The following NTRK3 variants were observed in gnomAD, a reference collection of about 807,000 sequenced individuals.
NTRK3 encodes NT-3 growth factor receptor.
Under a neutral mutation model 91.7 loss-of-function variants are expected in NTRK3, and 24 were observed. The observed-to-expected ratio is 0.26, with a 90% CI of 0.19 to 0.37. The LOEUF (loss-of-function observed/expected upper bound fraction) is 0.37, where lower values mean the gene tolerates loss of function less well. Among genes scored for constraint, NTRK3 ranks in the 10% least tolerant of loss-of-function variants. The pLI, the probability that NTRK3 is intolerant of heterozygous loss-of-function variation, is 1.00. For missense variants in NTRK3, 880 were observed against 1,068.9 expected, an observed-to-expected ratio of 0.82 and a Z score of 2.46; for synonymous variants, 483 against 404.0, an observed-to-expected ratio of 1.20 and a Z score of -2.34.
chr15:88,084,861 C>T lies in NTRK3; in HGVS notation c.1396+41410G>A, dbSNP rs570416306. On this transcript the variant is annotated intron_variant, in intron 13 of 18. Transcript: ENST00000394480. Reference sequence around the variant, plus strand: ...AGCCACTGTAAGCTCTGGTCAGCCTCTGGACAGCCACATCCTCCCTTTGAC... The same window carrying T: ...AGCCACTGTAAGCTCTGGTCAGCCTTTGGACAGCCACATCCTCCCTTTGAC... 6.6e-5 allele frequency among the ~76,000 whole-genome samples: 10 copies of T among 152,334 alleles called. No individual in the cohort carries two copies. The South Asian group carries it at 1.9e-3, about 28-fold the overall frequency.
At chr15:88,251,360 ACT>A (rs2053345224) in intron 3 of NTRK3, among the ~76,000 whole-genome samples, 1 of 152,140 alleles carries the variant, frequency 6.6e-6, no homozygotes, top group African/African-American at 2.4e-5. Flanking sequence ...TGGAAGAAAC[ACT>A]CTGCCCTGCG....
chr15:87,965,075 A>C lies in NTRK3; in HGVS notation c.1586-24322T>G, dbSNP rs146454930. Among the ~76,000 whole-genome samples, 356 of 152,384 alleles carry C rather than the reference A, an allele frequency of 2.3e-3. 2 individuals are homozygous for C. Among genetic ancestry groups the C allele is most frequent in the African/African-American group, 8.4e-3 (348 of 41,604 alleles). Reference sequence around the variant, plus strand: ...CAAATGCAATCTTATTTTTAAAAAAAGGTAGCAAAGTAATGTGTATGTGCA... The same window carrying C: ...CAAATGCAATCTTATTTTTAAAAAACGGTAGCAAAGTAATGTGTATGTGCA... On this transcript the variant is annotated intron_variant, in intron 14 of 18. Transcript: ENST00000394480.
intron 17 of NTRK3, among the ~76,000 whole-genome samples, chr15:87,910,240 C>G (rs996620286): frequency 2.0e-5 from 3 of 152,176 alleles, no homozygotes; most frequent in East Asian, 3.9e-4. Context: ...GGGAAGAGCT[C>G]CAAGCCTGAA....
chr15:88,196,691 T>C (rs1158593180), intron 3 of NTRK3, among the ~76,000 whole-genome samples: 1 of 152,236 alleles, frequency 6.6e-6, no homozygotes, highest in African/African-American at 2.4e-5. Context: ...CTCCCTTACT[T>C]CATCATTGCC....
intron 13 of NTRK3, among the ~76,000 whole-genome samples, chr15:88,121,561 G>A (rs1166819838): frequency 2.0e-5 from 3 of 152,178 alleles, no homozygotes; most frequent in African/African-American, 7.2e-5. Flanking sequence ...CAGGATGCAA[G>A]GGTACACTCT....
At position 88,115,982 on chromosome 15, in the gene NTRK3, A is replaced by T. The variant is rs77326931; in HGVS notation, c.1396+10289T>A. Among the ~76,000 whole-genome samples the T allele has an allele frequency of 6.1e-3, 929 of 152,240 alleles. 10 individuals carry two copies. The highest frequency in any genetic ancestry group is 0.021 in the African/African-American group (876 of 41,544). On this transcript the variant is annotated intron_variant, in intron 13 of 18. Coordinates refer to ENST00000394480, the Ensembl canonical transcript of NTRK3. ...GGGTGGGAGGGAGAGCAAACAGGAT[A>T]AAGAAGTTTCTAAGGAAAGAGAGGA...
rs536484394 is a variant in NTRK3 at position 87,939,162 on chromosome 15, C to G, written c.1716+1461G>C. Among the ~76,000 whole-genome samples the G allele has an allele frequency of 2.0e-3, 310 of 152,194 alleles. 1 individual carries two copies. The highest frequency in any genetic ancestry group is 6.2e-3 in the South Asian group (30 of 4,818). On this transcript the variant is annotated intron_variant, in intron 15 of 18. Transcript: ENST00000394480. ...TGACTCCTATTCTAGATAGTCATTGCAAGCTTGGCAGATCATATGTCATGT... is the reference window on the plus strand; with the variant it reads ...TGACTCCTATTCTAGATAGTCATTGGAAGCTTGGCAGATCATATGTCATGT...
At chr15:88,070,802 G>A (rs2047028908) in intron 13 of NTRK3, among the ~76,000 whole-genome samples, 1 of 152,008 alleles carries the variant, frequency 6.6e-6, no homozygotes, top group Non-Finnish European at 1.5e-5. Flanking sequence ...ATCAGTGAAT[G>A]ATGTTCTTGA....
chr15:88,074,429 T>G (rs143339935), intron 13 of NTRK3, among the ~76,000 whole-genome samples: 22 of 152,310 alleles, frequency 1.4e-4, no homozygotes, highest in African/African-American at 4.8e-4. Context: ...TTAATTTAAA[T>G]TGCCCACACA....
intron 6 of NTRK3, among the ~76,000 whole-genome samples, chr15:88,139,627 A>C (rs2042194004): frequency 6.6e-6 from 1 of 151,902 alleles, no homozygotes; most frequent in Non-Finnish European, 1.5e-5. Flanking sequence ...AAGGGAAAGA[A>C]CTAACCCTTA....
chr15:88,058,837 A>C (rs1461138029), intron 13 of NTRK3, among the ~76,000 whole-genome samples: 1 of 152,190 alleles, frequency 6.6e-6, no homozygotes, highest in Non-Finnish European at 1.5e-5. Context: ...GATGATGATA[A>C]TTATCATGAT....
intron 14 of NTRK3, among the ~76,000 whole-genome samples, chr15:88,031,580 G>C (rs1472700880): frequency 1.3e-5 from 2 of 152,124 alleles, no homozygotes; most frequent in African/African-American, 4.8e-5. Flanking sequence ...TCCTTTTTCT[G>C]ATACTGACAG....
intron 13 of NTRK3, among the ~76,000 whole-genome samples, chr15:88,107,314 G>T (rs2050825174): frequency 6.6e-6 from 1 of 152,078 alleles, no homozygotes; most frequent in South Asian, 2.1e-4. Flanking sequence ...AGGGCAGCAT[G>T]TGCCTGTAGT....
At chr15:88,212,062 A>C (rs890559881) in intron 3 of NTRK3, among the ~76,000 whole-genome samples, 1 of 152,212 alleles carries the variant, frequency 6.6e-6, no homozygotes, top group Non-Finnish European at 1.5e-5. Flanking sequence ...ATAAAGGTGG[A>C]AGCATCCATT....
At chr15:88,056,223 C>T (rs2045681599) in intron 13 of NTRK3, among the ~76,000 whole-genome samples, 1 of 136,642 alleles carries the variant, frequency 7.3e-6, no homozygotes, top group Admixed American at 7.4e-5. Flanking sequence ...AATGTAGAAC[C>T]TTGATCATAT....
intron 13 of NTRK3, among the ~76,000 whole-genome samples, chr15:88,111,964 T>G (rs2051428793): frequency 6.6e-6 from 1 of 150,936 alleles, no homozygotes; most frequent in African/African-American, 2.4e-5. Flanking sequence ...TGGAGTGCAG[T>G]GGCACGATCT....
intron 5 of NTRK3, among the ~76,000 whole-genome samples, chr15:88,182,583 T>C (rs1054613422): frequency 2.0e-5 from 3 of 152,184 alleles, no homozygotes; most frequent in African/African-American, 7.2e-5. Flanking sequence ...CCTCTGCTCT[T>C]TGGGAACATG....
Position 88,062,503 on chromosome 15 carries a change from T to C in NTRK3, c.1397-29458A>G, listed in dbSNP as rs1036064667. Among the ~76,000 whole-genome samples, 15 of 152,292 alleles carry C rather than the reference T, an allele frequency of 9.8e-5. 2 individuals carry two copies. The highest frequency in any genetic ancestry group is 7.2e-4 in the Admixed American group (11 of 15,292). On this transcript the variant is annotated intron_variant, in intron 13 of 18. Transcript: ENST00000394480. ...GGATGAAGTAGGCCTATCTCTGCCC[T>C]CCTTCCCTCCTGCACATGAAATGCT...
intron 13 of NTRK3, among the ~76,000 whole-genome samples, chr15:88,040,483 G>T (rs562231070): frequency 9.8e-5 from 15 of 152,286 alleles, no homozygotes; most frequent in Admixed American, 9.2e-4. Context: ...AAAAGGAGCG[G>T]CCTCCCAGGG....
Sources: gnomAD v4.1 joint callset for allele counts (sites outside exome capture counted in the v4.1 genomes callset) on GRCh38, gnomAD v4.1.1 for gene constraint, MANE v1.5 for transcripts, NCBI Gene and HGNC (gene_info 2026-07-23, HGNC 2026-07-21) for gene names.